Variants in WIPI2 observed in about 807,000 individuals in gnomAD.
WIPI2 encodes the protein WD repeat domain, phosphoinositide interacting 2.
Under a neutral mutation model 52.3 loss-of-function variants are expected in WIPI2, and 28 were observed. The ratio of observed to expected loss-of-function variants is 0.54; its 90% CI spans 0.40 to 0.73. WIPI2 has a LOEUF of 0.73. Among genes scored for constraint, WIPI2 ranks in the 30% least tolerant of loss-of-function variants. WIPI2 has a pLI of 0.00. For missense variants in WIPI2, 506 were observed against 602.9 expected, an observed-to-expected ratio of 0.84 and a Z score of 1.68; for synonymous variants, 268 against 245.0, an observed-to-expected ratio of 1.09 and a Z score of -0.88.
At chr7:5,216,751 T>A in intron 5 of WIPI2, 92 bp downstream of exon 5, 3 of 1,241,734 alleles carry the variant, frequency 2.4e-6, no homozygotes, top group Non-Finnish European at 3.4e-6. Flanking sequence ...TTTTATAGGT[T>A]CCGCAGATGA....
intron 3 of WIPI2, among the ~76,000 whole-genome samples, chr7:5,212,578 G>C (rs4720529): frequency 0.3 from 46,088 of 152,100 alleles, 7,086 homozygotes; most frequent in East Asian, 0.37. Flanking sequence ...CTTTTGCCCA[G>C]GCTGGCATGC....
intron 11 of WIPI2, 174 bp from the exon 12 acceptor site, chr7:5,229,434 C>T: frequency 1.6e-6 from 1 of 644,494 alleles, no homozygotes. Flanking sequence ...TAAAACTCTT[C>T]ATGTAAAAAC....
intron 1 of WIPI2, among the ~76,000 whole-genome samples, chr7:5,191,489 C>T (rs1421693516): frequency 1.3e-5 from 2 of 152,138 alleles, no homozygotes; most frequent in Admixed American, 1.3e-4. Flanking sequence ...ATCCTCAGGG[C>T]AAGAGAAGGC....
At chr7:5,193,548 T>C (rs1781583156) in intron 2 of WIPI2, among the ~76,000 whole-genome samples, 1 of 152,188 alleles carries the variant, frequency 6.6e-6, no homozygotes, top group Admixed American at 6.5e-5. Flanking sequence ...TCTCCTCTCT[T>C]TGTTCATCTG....
chr7:5,221,758 A>G (rs1019194671), intron 7 of WIPI2, among the ~76,000 whole-genome samples: 7 of 152,120 alleles, frequency 4.6e-5, no homozygotes, highest in Non-Finnish European at 7.3e-5. Context: ...TTGTCTTAGT[A>G]AGATTTTCTT....
At chr7:5,222,818 C>A in intron 8 of WIPI2, 146 bp downstream of exon 8, 2 of 764,084 alleles carry the variant, frequency 2.6e-6, no homozygotes, top group Non-Finnish European at 4.4e-6. Flanking sequence ...AAGATCTGGG[C>A]GTCGGTCTTG....
chr7:5,197,111 CAAAAAACAAAAAAAAAA>C (rs1286592480), intron 2 of WIPI2, among the ~76,000 whole-genome samples: 8 of 56,428 alleles, frequency 1.4e-4, no homozygotes, highest in Admixed American at 2.5e-4. Flanking sequence ...GACTCCGTCT[CAAAAAACAAAAAAAAAA>C]AAAAAAAAAA....
chr7:5,198,216 G>A (rs900267534), intron 2 of WIPI2, among the ~76,000 whole-genome samples: 1 of 152,194 alleles, frequency 6.6e-6, no homozygotes, highest in Non-Finnish European at 1.5e-5. Context: ...GCACAGGGGT[G>A]GAGCCACGGG....
intron 2 of WIPI2, 156 bp downstream of exon 2, chr7:5,193,327 A>C: frequency 6.9e-7 from 1 of 1,454,448 alleles, no homozygotes; most frequent in East Asian, 2.4e-5. Context: ...TTTCCAGTGG[A>C]TACCACAGCT....
At chr7:5,221,893 C>G (rs536749755) in intron 7 of WIPI2, among the ~76,000 whole-genome samples, 33 of 152,080 alleles carry the variant, frequency 2.2e-4, no homozygotes, top group African/African-American at 7.7e-4. Context: ...TGGTGGGGTC[C>G]GAAGCCTCGT....
chr7:5,230,920 C>T lies in WIPI2; in HGVS notation c.1338C>T (p.His446=), dbSNP rs777017842. 6 of 1,613,418 alleles carry T rather than the reference C, an allele frequency of 3.7e-6. No individual in the cohort carries two copies. Among genetic ancestry groups the T allele is most frequent in the Admixed American group, 3.3e-5 (2 of 59,942 alleles). The change falls in exon 13 of 13, where the codon CAC becomes CAT. Residue 446 remains histidine (H), a synonymous_variant. Transcript: ENST00000288828. This position sits in a 1 kb window ranked among gnomAD's most constrained non-coding sequence, Gnocchi z 4.8. ...TGCGCCTGGATGAGGACAGCGAGCA[C>T]CCGCCCATGATTCTTCGGACTGACT... ...SALRLDEDSE[H]PPMILRTD
chr7:5,190,631 G>T, intron 1 of WIPI2, 138 bp downstream of exon 1: 1 of 843,642 alleles, frequency 1.2e-6, no homozygotes. Context: ...GCGTCCCCAG[G>T]GGCGGGCCCG....
intron 5 of WIPI2, 45 bp downstream of exon 5, chr7:5,216,704 C>T: frequency 6.3e-7 from 1 of 1,588,376 alleles, no homozygotes; most frequent in Non-Finnish European, 8.6e-7. Context: ...CTGATTTTGC[C>T]CTTGAAAGAT....
intron 2 of WIPI2, among the ~76,000 whole-genome samples, chr7:5,198,049 C>A (rs978038403): frequency 6.6e-6 from 1 of 152,212 alleles, no homozygotes; most frequent in Non-Finnish European, 1.5e-5. Context: ...TGAGCCTCCT[C>A]GCAGAAGCGG....
intron 9 of WIPI2, 86 bp downstream of exon 9, chr7:5,226,016 C>T (rs986186157): frequency 9.9e-6 from 13 of 1,307,326 alleles, no homozygotes; most frequent in South Asian, 2.6e-5. Context: ...AGCACGGACC[C>T]GCCCACCCTC....
intron 3 of WIPI2, among the ~76,000 whole-genome samples, chr7:5,205,861 A>C (rs1469522381): frequency 1.5e-5 from 2 of 137,902 alleles, no homozygotes. Flanking sequence ...TTTTTCCCCC[A>C]TGCAGTCATG....
chr7:5,199,684 T>C (rs1781930586), intron 3 of WIPI2, 26 bp downstream of exon 3: 3 of 1,515,638 alleles, frequency 2.0e-6, no homozygotes, highest in Non-Finnish European at 8.9e-7. Context: ...ATTTTTCCCC[T>C]TCTTAAAAAA....
rs189996298 is a variant in WIPI2, at chr7:5,211,941, C to T, written c.212-2594C>T. 6.6e-4 allele frequency among the ~76,000 whole-genome samples: 100 copies of T among 152,304 alleles called. 1 individual carries two copies. The highest frequency in any genetic ancestry group is 1.4e-3 in the Admixed American group (22 of 15,292). The stretch of plus-strand genomic sequence containing the variant: ...CCAGTACATGTGTTAGGACGCGTGC[C>T]GCTGAGCTTCACCAAGAGCACTTCT... On this transcript the variant is annotated intron_variant, in intron 3 of 12. Coordinates refer to ENST00000288828, the MANE Select transcript of WIPI2 (RefSeq NM_015610.4).
chr7:5,212,302 C>G (rs142172831), intron 3 of WIPI2, among the ~76,000 whole-genome samples: 1 of 152,110 alleles, frequency 6.6e-6, no homozygotes, highest in Admixed American at 6.6e-5. Flanking sequence ...GTGGTAAGCG[C>G]GGTGACTACT....
Sources: allele counts gnomAD v4.1 joint callset (sites outside exome capture counted in the v4.1 genomes callset), GRCh38; gene constraint gnomAD v4.1.1; non-coding constraint Gnocchi (gnomAD v3.1); transcripts MANE v1.5; gene names NCBI Gene and HGNC (gene_info 2026-07-23, HGNC 2026-07-21).